RAB27A: variants seen among roughly 807,000 people sequenced by gnomAD.
The protein encoded by RAB27A is ras-related protein Rab-27A.
RAB27A carries 17 observed loss-of-function variants against 20.8 expected under a neutral mutation model. That is an observed-to-expected ratio of 0.82 (90% CI 0.56 to 1.23). RAB27A has a LOEUF of 1.23. Ranked by LOEUF, RAB27A falls within the 50% of genes most tolerant of loss-of-function variation. RAB27A has a pLI of 0.00. For synonymous variants in RAB27A, 85 were observed against 92.8 expected, an observed-to-expected ratio of 0.92 and a Z score of 0.48; for missense variants, 277 against 266.7, an observed-to-expected ratio of 1.04 and a Z score of -0.27.
chr15:55,258,431 A>G (rs1266281662), intron 2 of RAB27A, among the ~76,000 whole-genome samples: 1 of 152,176 alleles, frequency 6.6e-6, no homozygotes, highest in Non-Finnish European at 1.5e-5. Flanking sequence ...AATAGGTTTT[A>G]GGGCCCCAGA....
chr15:55,261,699 C>A lies in RAB27A; in HGVS notation c.-23+8466G>T, dbSNP rs1293027033. The stretch of plus-strand genomic sequence containing the variant: ...GAGGTTGCAGTGAGCCGAGATCACT[C>A]ACTGCATCTCAAAAAAAAAAAAAAA... On this transcript the variant is annotated intron_variant, in intron 2 of 6. Coordinates refer to ENST00000336787, the MANE Select transcript of RAB27A (RefSeq NM_183235.3). Among the ~76,000 whole-genome samples, 3 of 120,164 alleles carry A rather than the reference C, an allele frequency of 2.5e-5. No individual in the cohort carries two copies. In the Admixed American group the frequency reaches 2.9e-4, roughly 12 times the overall value. The allele number at this position is 120,164 out of a possible 152,430, so 78.8% of individuals were successfully genotyped here.
chr15:55,314,257 C>T (rs748676744), intron 1 of RAB27A: 2 of 151,242 alleles, frequency 1.3e-5, no homozygotes, highest in Non-Finnish European at 2.9e-5. Flanking sequence ...AAAAGGATAT[C>T]AATATAAAAA....
intron 6 of RAB27A, among the ~76,000 whole-genome samples, chr15:55,212,622 C>T (rs867824854): frequency 2.0e-5 from 3 of 152,072 alleles, no homozygotes; most frequent in East Asian, 1.9e-4. Context: ...CTCCGCCTCC[C>T]GGGCTCACGC....
chr15:55,274,829 T>TATAGAGAGAG (rs1244330728), intron 1 of RAB27A, among the ~76,000 whole-genome samples: 2 of 139,008 alleles, frequency 1.4e-5, no homozygotes, highest in African/African-American at 5.2e-5. Context: ...TATATATGTA[T>TATAGAGAGAG]AGAGAGAGAC....
chr15:55,282,602 G>C (rs1255350255), intron 1 of RAB27A, among the ~76,000 whole-genome samples: 2 of 152,122 alleles, frequency 1.3e-5, no homozygotes, highest in Non-Finnish European at 2.9e-5. Flanking sequence ...TGGAAATCTG[G>C]GAAGTAGACA....
intron 2 of RAB27A, among the ~76,000 whole-genome samples, chr15:55,240,130 G>A (rs1896422635): frequency 1.3e-5 from 2 of 152,094 alleles, no homozygotes; most frequent in South Asian, 2.1e-4. Context: ...TTCAAGTCCT[G>A]AGTAGTATTC....
At chr15:55,318,978 T>C in exon 1 of RAB27A, 2 of 408,566 alleles carry the variant, frequency 4.9e-6, no homozygotes. Context: ...CGCTACCGCC[T>C]GCTCCCCTCC....
intron 2 of RAB27A, among the ~76,000 whole-genome samples, chr15:55,262,489 C>T (rs1275624576): frequency 4.0e-5 from 6 of 150,188 alleles, no homozygotes; most frequent in African/African-American, 1.5e-4. Context: ...TTGCAGTGAG[C>T]CGAGATCACG....
At chr15:55,279,204 C>G (rs1897952392) in intron 1 of RAB27A, among the ~76,000 whole-genome samples, 1 of 152,156 alleles carries the variant, frequency 6.6e-6, no homozygotes, top group Admixed American at 6.5e-5. Context: ...TCCTCCCATA[C>G]TCTTCTATTT....
intron 2 of RAB27A, among the ~76,000 whole-genome samples, chr15:55,266,183 TAAG>T (rs1346847185): frequency 6.6e-6 from 1 of 152,198 alleles, no homozygotes; most frequent in Admixed American, 6.5e-5. Context: ...AGTGCCCCTA[TAAG>T]AAGAGGCCAG....
At chr15:55,292,870 T>C (rs531334770), upstream of RAB27A, among the ~76,000 whole-genome samples, 1 of 152,264 alleles carries the variant, frequency 6.6e-6, no homozygotes, top group South Asian at 2.1e-4. Context: ...AATAGGCTTG[T>C]TACAGAACCC....
chr15:55,244,497 G>T (rs1013974812), intron 2 of RAB27A, among the ~76,000 whole-genome samples: 5 of 152,000 alleles, frequency 3.3e-5, no homozygotes, highest in South Asian at 2.1e-4. Context: ...GTTGTTGTTG[G>T]GGGGAGATGA....
At chr15:55,256,188 G>T in intron 2 of RAB27A, among the ~76,000 whole-genome samples, 1 of 152,112 alleles carries the variant, frequency 6.6e-6, no homozygotes, top group Non-Finnish European at 1.5e-5. Context: ...ACTGAGGTAG[G>T]AGGATCACTT....
intron 2 of RAB27A, among the ~76,000 whole-genome samples, chr15:55,246,932 T>C (rs1896710108): frequency 6.6e-6 from 1 of 152,104 alleles, no homozygotes; most frequent in Non-Finnish European, 1.5e-5. Context: ...TTCTCCTAAA[T>C]TCAAATAATA....
In RAB27A at chr15:55,204,805, G is replaced by C. The variant is rs1894563129; in HGVS notation, c.*702C>G. ...CAGAGCAATGGGAATATAGCGGGGA[G>C]ACAGAAGTCCCACTTTGGTTGCTCA... On this transcript the variant is annotated 3_prime_UTR_variant, in exon 7 of 7. Transcript: ENST00000336787. 6.5e-6 allele frequency: 1 copy of C among 152,906 alleles called. No individual in the cohort carries two copies. Among genetic ancestry groups the C allele is most frequent in the Non-Finnish European group, 1.5e-5 (1 of 68,640 alleles). The allele number at this position is 152,906 out of a possible 1,614,324, so 9.5% of individuals were successfully genotyped here. A position where few individuals can be genotyped will look rare whatever the true frequency, so the allele number is the denominator to read the frequency against.
intron 2 of RAB27A, among the ~76,000 whole-genome samples, chr15:55,310,602 C>A (rs1188165000): frequency 1.3e-5 from 2 of 152,174 alleles, no homozygotes; most frequent in Non-Finnish European, 2.9e-5. Context: ...TTCCCTTTTC[C>A]AGAGCCTCCA....
intron 2 of RAB27A, among the ~76,000 whole-genome samples, chr15:55,240,096 C>T (rs58797842): frequency 0.01 from 1,594 of 152,248 alleles, 36 homozygotes; most frequent in African/African-American, 0.037. Flanking sequence ...TTCATATAAA[C>T]AATTTTTGTT....
At chr15:55,280,563 G>C (rs1412773163) in intron 1 of RAB27A, among the ~76,000 whole-genome samples, 1 of 149,448 alleles carries the variant, frequency 6.7e-6, no homozygotes, top group Non-Finnish European at 1.5e-5. Context: ...CAATGTGCAG[G>C]CTTGATACAT....
intron 6 of RAB27A, among the ~76,000 whole-genome samples, chr15:55,208,257 A>T (rs7165491): frequency 2.0e-5 from 3 of 152,050 alleles, no homozygotes; most frequent in Non-Finnish European, 4.4e-5. Context: ...GTGTGAAGAC[A>T]ACAATTACAC....
Sources: gnomAD v4.1 joint callset for allele counts (sites outside exome capture counted in the v4.1 genomes callset) on GRCh38, gnomAD v4.1.1 for gene constraint, MANE v1.5 for transcripts, NCBI Gene and HGNC (gene_info 2026-07-23, HGNC 2026-07-21) for gene names.